The following ABCA6 variants were observed in gnomAD, a reference collection of about 807,000 sequenced individuals.
The protein encoded by ABCA6 is ATP-binding cassette sub-family A member 6.
ABCA6 carries 164 observed loss-of-function variants against 191.2 expected under a neutral mutation model. That is an observed-to-expected ratio of 0.86 (90% CI 0.76 to 0.98). ABCA6 has a LOEUF of 0.98. ABCA6 is among the 50% of genes least tolerant of loss of function. ABCA6 has a pLI of 0.00. For synonymous variants in ABCA6, 636 were observed against 647.7 expected (o/e 0.98, Z 0.27); for missense variants, 1,958 against 1,894.1 (o/e 1.03, Z -0.63).
chr17:69,119,092 T>A (rs948976026), intron 10 of ABCA6, among the ~76,000 whole-genome samples: 1 of 152,072 alleles, frequency 6.6e-6, no homozygotes, highest in African/African-American at 2.4e-5. Flanking sequence ...AGAAAAAAGA[T>A]TCACATTAAT....
At chr17:69,087,559 T>A in intron 28 of ABCA6, 86 bp from the exon 29 acceptor site, 1 of 1,531,844 alleles carries the variant, frequency 6.5e-7, no homozygotes, top group Admixed American at 1.8e-5. Flanking sequence ...ATTTTACTAC[T>A]GTCCTCTTCT....
At chr17:69,098,080 A>G (rs1387070468) in intron 22 of ABCA6, 53 bp from the exon 23 acceptor site, 23 of 1,332,172 alleles carry the variant, frequency 1.7e-5, no homozygotes, top group Non-Finnish European at 2.1e-5. Context: ...AATGAAACAA[A>G]TAATTATAGC....
intron 17 of ABCA6, chr17:69,108,131 A>C (rs1598468276): frequency 7.6e-6 from 2 of 261,494 alleles, no homozygotes; most frequent in Non-Finnish European, 1.4e-5. Context: ...AAACCCACGT[A>C]TATCTCTACC....
rs547739423 is a variant in ABCA6 at position 69,100,782 on chromosome 17, A to G, written c.3012+15T>C. The G allele has an allele frequency of 2.5e-6, 4 of 1,599,548 alleles. No individual in the cohort carries two copies. In the African/African-American group the frequency reaches 5.4e-5, roughly 22 times the overall value. The stretch of plus-strand genomic sequence containing the variant: ...CAATTCTTAATTGTTTAGACTCAGT[A>G]AATCCAATACTTACAAGAGGAAATG... On this transcript the variant is annotated intron_variant, in intron 22 of 38. Transcript: ENST00000284425.
At chr17:69,130,073 T>C (rs1047838499) in intron 6 of ABCA6, among the ~76,000 whole-genome samples, 4 of 152,024 alleles carry the variant, frequency 2.6e-5, no homozygotes, top group Non-Finnish European at 4.4e-5. Context: ...TTCAGCACTT[T>C]GGGAGGCTGA....
At chr17:69,096,406 A>G (rs1160888706) in intron 24 of ABCA6, 53 bp from the exon 25 acceptor site, 3 of 1,065,114 alleles carry the variant, frequency 2.8e-6, no homozygotes, top group Non-Finnish European at 3.9e-6. Context: ...TTACTGAGGG[A>G]AAAATTAGAT....
chr17:69,082,575 T>C (rs9900860), intron 36 of ABCA6, among the ~76,000 whole-genome samples: 7,637 of 152,268 alleles, frequency 0.05, 612 homozygotes, highest in African/African-American at 0.17. Context: ...GACACCATTG[T>C]GGTCCTGTGT....
intron 6 of ABCA6, among the ~76,000 whole-genome samples, chr17:69,130,057 T>C (rs2073834293): frequency 6.6e-6 from 1 of 152,102 alleles, no homozygotes; most frequent in Non-Finnish European, 1.5e-5. Flanking sequence ...GGCTCATGCC[T>C]GTAATTTCAG....
chr17:69,104,588 G>A (rs535130198), intron 20 of ABCA6: 1 of 128,206 alleles, frequency 7.8e-6, no homozygotes. Context: ...TTCTTTGTTT[G>A]TTTGTTTGTT....
intron 26 of ABCA6, among the ~76,000 whole-genome samples, chr17:69,090,216 C>G (rs1194096591): frequency 6.6e-6 from 1 of 152,182 alleles, no homozygotes; most frequent in Non-Finnish European, 1.5e-5. Context: ...TCCAGTTCGC[C>G]AAGGACACCC....
intron 11 of ABCA6, 68 bp from the exon 12 acceptor site, chr17:69,115,554 T>C: frequency 8.1e-6 from 9 of 1,115,980 alleles, no homozygotes; most frequent in South Asian, 1.6e-5. Context: ...ACAGGCCTGG[T>C]CCCAACATAG....
At position 69,136,109 on chromosome 17, in the gene ABCA6, C is replaced by T. The variant is rs1037978646; in HGVS notation, c.443G>A (p.Trp148Ter). 2.5e-6 allele frequency: 4 copies of T among 1,610,130 alleles called. No individual in the cohort carries two copies. The African/African-American group carries it at 4.0e-5, about 16-fold the overall frequency. The change falls in exon 4 of 39, where the codon TGG becomes TAG. Residue 148 changes from tryptophan to a stop codon, truncating the protein, a stop_gained. Coordinates refer to ENST00000284425, the MANE Select transcript of ABCA6 (RefSeq NM_080284.3). LOFTEE classifies it high-confidence loss of function. ...IFFQGYNSPL[W>*]KEDFSAHCWD... Reference sequence around the variant, plus strand: ...AAAGTCACCTGAGAAATCTTCTTTCCAAAGTGGACTGTTATATCCCTGGAA... The same window carrying T: ...AAAGTCACCTGAGAAATCTTCTTTCTAAAGTGGACTGTTATATCCCTGGAA...
intron 25 of ABCA6, chr17:69,094,551 T>C (rs190415813): frequency 2.7e-3 from 436 of 158,652 alleles, no homozygotes; most frequent in Middle Eastern, 2.9e-3. Context: ...AAAGCATCAC[T>C]ATGGAGCCTG....
chr17:69,082,737 T>C, intron 36 of ABCA6, 136 bp downstream of exon 36: 1 of 1,316,124 alleles, frequency 7.6e-7, no homozygotes, highest in Non-Finnish European at 1.0e-6. Context: ...TAATCTGGAA[T>C]ACTGAACAAA....
Position 69,110,923 on chromosome 17 carries a change from A to G in ABCA6, c.2150T>C (p.Ile717Thr). Reference sequence around the variant, plus strand: ...GGATGTTATTTGTTCTGGGTTACATATTTCATTCCTATGTAAACTAATATT... The same window carrying G: ...GGATGTTATTTGTTCTGGGTTACATGTTTCATTCCTATGTAAACTAATATT... ...GYHLSLHRNE[I>T]CNPEQITSFI... The change falls in exon 17 of 39, where the codon ATA becomes ACA. Residue 717 changes from isoleucine (I) to threonine (T), a missense_variant. By Grantham distance (89) the Ile-to-Thr change is moderately conservative (BLOSUM62 -1). Coordinates refer to ENST00000284425, the MANE Select transcript of ABCA6 (RefSeq NM_080284.3). 1.2e-6 allele frequency: 2 copies of G among 1,600,954 alleles called. No individual in the cohort carries two copies. Among genetic ancestry groups the G allele is most frequent in the African/African-American group, 1.3e-5 (1 of 74,200 alleles).
chr17:69,139,139 T>G (rs2073991151), intron 2 of ABCA6, among the ~76,000 whole-genome samples: 1 of 152,082 alleles, frequency 6.6e-6, no homozygotes, highest in Non-Finnish European at 1.5e-5. Flanking sequence ...CAAAAGAAAC[T>G]ACCATCAGGG....
In ABCA6 at chr17:69,113,636, G is replaced by A. The variant is rs760779833; in HGVS notation, c.1884C>T (p.Thr628=). ...GQKRKLTFGI[T]ILGDPQILLL... Reference sequence around the variant, plus strand: ...CACTTACTTGAGGATCTCCTAAAATGGTAATCCCAAAAGTCAGCTTTCTTT... The same window carrying A: ...CACTTACTTGAGGATCTCCTAAAATAGTAATCCCAAAAGTCAGCTTTCTTT... The change falls in exon 14 of 39, where the codon ACC becomes ACT. Residue 628 remains threonine (T), a synonymous_variant. Transcript: ENST00000284425. 11 of 1,612,906 alleles carry A rather than the reference G, an allele frequency of 6.8e-6. No homozygotes were observed. Among genetic ancestry groups the A allele is most frequent in the Non-Finnish European group, 9.3e-6 (11 of 1,179,286 alleles).
At chr17:69,141,100 TACATTG>T (rs1274729100) in intron 1 of ABCA6, among the ~76,000 whole-genome samples, 3 of 152,116 alleles carry the variant, frequency 2.0e-5, no homozygotes, top group Admixed American at 1.3e-4. Context: ...TCTTGTTCTT[TACATTG>T]AAACAGAAAT....
At chr17:69,118,713 T>C (rs910462703) in intron 10 of ABCA6, among the ~76,000 whole-genome samples, 4 of 152,108 alleles carry the variant, frequency 2.6e-5, no homozygotes, top group African/African-American at 9.7e-5. Flanking sequence ...CTTCTCTGTT[T>C]CCTAATAAAG....
Sources: gnomAD v4.1 joint callset for allele counts (sites outside exome capture counted in the v4.1 genomes callset) on GRCh38, gnomAD v4.1.1 for gene constraint, MANE v1.5 for transcripts, NCBI Gene and HGNC (gene_info 2026-07-23, HGNC 2026-07-21) for gene names.